Variants in TTC7A observed in about 807,000 individuals in gnomAD.
TTC7A encodes the protein tetratricopeptide repeat protein 7A.
In TTC7A, 110 loss-of-function variants were observed where a neutral mutation model predicts 103.7. The observed-to-expected ratio is 1.06, with a 90% CI of 0.91 to 1.24. The LOEUF is 1.24. Among genes scored for constraint, TTC7A ranks in the 50% most tolerant of loss-of-function variants. The probability of loss-of-function intolerance (pLI) is 0.00; values close to 1 mark genes in which losing one functional copy is unlikely to be tolerated. For synonymous variants in TTC7A, 521 were observed against 467.9 expected (o/e 1.11, Z -1.47); for missense variants, 1,340 against 1,116.3 (o/e 1.20, Z -2.86).
chr2:47,019,778 C>A (rs962970303), intron 11 of TTC7A, among the ~76,000 whole-genome samples: 1 of 151,996 alleles, frequency 6.6e-6, no homozygotes, highest in Non-Finnish European at 1.5e-5. Context: ...TGGAGTGCAG[C>A]GGGTGTCTGG....
intron 19 of TTC7A, 56 bp from the exon 20 acceptor site, chr2:47,073,646 A>C: frequency 6.5e-7 from 1 of 1,527,930 alleles, no homozygotes; most frequent in Non-Finnish European, 9.0e-7. Context: ...CCCAGTTGCC[A>C]AGATGCCTGT....
At chr2:47,067,741 GGCT>G (rs1401978440) in intron 19 of TTC7A, 1 of 152,176 alleles carries the variant, frequency 6.6e-6, no homozygotes, top group Non-Finnish European at 1.5e-5. Flanking sequence ...AAGCACCTAG[GGCT>G]GTTGTTAGAA....
At chr2:47,050,990 A>G (rs944629965) in intron 17 of TTC7A, among the ~76,000 whole-genome samples, 1 of 152,202 alleles carries the variant, frequency 6.6e-6, no homozygotes, top group Non-Finnish European at 1.5e-5. Flanking sequence ...GGGAATTATA[A>G]ATGTCAACAG....
intron 5 of TTC7A, among the ~76,000 whole-genome samples, chr2:46,980,418 C>T (rs1390649326): frequency 1.3e-5 from 2 of 152,000 alleles, no homozygotes; most frequent in African/African-American, 2.4e-5. Context: ...CATTTTGTTG[C>T]CCAGGCTGGT....
rs749612679 is a variant in TTC7A at position 47,006,067 on chromosome 2, C to T, written c.1203+8C>T. 1.9e-6 allele frequency: 3 copies of T among 1,611,030 alleles called. No individual in the cohort carries two copies. The highest frequency in any genetic ancestry group is 2.2e-5 in the East Asian group (1 of 44,822). Reference sequence around the variant, plus strand: ...TACGTCATGCTCTCGGAGGTACGGCCGGCCATGCAGCCCACCCCACTCTCC... The same window carrying T: ...TACGTCATGCTCTCGGAGGTACGGCTGGCCATGCAGCCCACCCCACTCTCC... On this transcript the variant is annotated splice_region_variant and intron_variant, in intron 9 of 19. Coordinates refer to ENST00000319190, the MANE Select transcript of TTC7A (RefSeq NM_020458.4).
chr2:47,041,818 G>T (rs1176066350), intron 15 of TTC7A, among the ~76,000 whole-genome samples: 1 of 151,436 alleles, frequency 6.6e-6, no homozygotes, highest in Non-Finnish European at 1.5e-5. Flanking sequence ...GGCAAAAAAA[G>T]ATTATATACA....
chr2:46,941,633 A>G lies in TTC7A; in HGVS notation c.92A>G (p.Glu31Gly), dbSNP rs1187820060. The G allele has an allele frequency of 3.2e-6, 5 of 1,554,370 alleles. No homozygotes were observed. Among genetic ancestry groups the G allele is most frequent in the South Asian group, 1.2e-5 (1 of 84,280 alleles). ...GAGGGCCACTGGGACCGCATGCCGG[A>G]GCTGGTCCGGCAGCTGCAGACGCTG... ...RAEGHWDRMP[E>G]LVRQLQTLSM... Residue 31 changes from glutamate (E) to glycine (G), a missense_variant, in exon 1 of 20, where the codon GAG (glutamate) becomes GGG (glycine). Coordinates refer to ENST00000319190, the MANE Select transcript of TTC7A (RefSeq NM_020458.4). The surrounding 1 kb of genome is among the most constrained non-coding windows in gnomAD (Gnocchi z 4.2).
At chr2:47,012,145 C>T (rs910561522) in intron 11 of TTC7A, among the ~76,000 whole-genome samples, 8 of 152,230 alleles carry the variant, frequency 5.3e-5, no homozygotes, top group African/African-American at 1.7e-4. Flanking sequence ...TGGGCCTACT[C>T]GGATGCTGCT....
At chr2:47,004,180 G>C (rs1469427209) in intron 8 of TTC7A, among the ~76,000 whole-genome samples, 1 of 152,204 alleles carries the variant, frequency 6.6e-6, no homozygotes. Flanking sequence ...GTCCATGGGG[G>C]CATGGGCAGC....
intron 11 of TTC7A, among the ~76,000 whole-genome samples, chr2:47,020,836 C>T (rs1558586906): frequency 1.3e-5 from 2 of 152,338 alleles, no homozygotes; most frequent in Admixed American, 6.5e-5. Context: ...CAGAGCTGCC[C>T]ATCTCCTGCT....
At chr2:46,920,122 A>C (rs1669022855) in intron 2 of TTC7A, among the ~76,000 whole-genome samples, 1 of 152,172 alleles carries the variant, frequency 6.6e-6, no homozygotes, top group African/African-American at 2.4e-5. Context: ...CATCACTCCT[A>C]ATGAAAAGTC....
intron 2 of TTC7A, among the ~76,000 whole-genome samples, chr2:46,921,449 T>C (rs1012038613): frequency 6.6e-6 from 1 of 152,230 alleles, no homozygotes; most frequent in Non-Finnish European, 1.5e-5. Flanking sequence ...AATTCAGTTA[T>C]TGAAAGCATA....
At chr2:46,970,128 C>T (rs1673222603) in intron 3 of TTC7A, among the ~76,000 whole-genome samples, 1 of 151,908 alleles carries the variant, frequency 6.6e-6, no homozygotes, top group South Asian at 2.1e-4. Context: ...TAGCTTGAGT[C>T]ACAAGTGTGC....
chr2:46,994,790 C>G (rs1473355366), intron 7 of TTC7A, among the ~76,000 whole-genome samples: 16 of 152,228 alleles, frequency 1.1e-4, no homozygotes. Flanking sequence ...ACACCTCTCT[C>G]TCGCTTGTGC....
chr2:47,023,518 T>C (rs1013851081), intron 13 of TTC7A, 53 bp downstream of exon 13: 1 of 1,580,530 alleles, frequency 6.3e-7, no homozygotes, highest in Non-Finnish European at 8.7e-7. Context: ...GGTGGCAGAT[T>C]CACAAGCTTT....
intron 15 of TTC7A, among the ~76,000 whole-genome samples, chr2:47,045,850 C>G (rs1682256851): frequency 6.6e-6 from 1 of 152,210 alleles, no homozygotes; most frequent in South Asian, 2.1e-4. Context: ...TACCTTCACT[C>G]ACGGATTCTA....
intron 2 of TTC7A, among the ~76,000 whole-genome samples, chr2:46,935,157 G>C (rs1669913435): frequency 6.6e-6 from 1 of 152,036 alleles, no homozygotes; most frequent in African/African-American, 2.4e-5. Flanking sequence ...GAGAAGCGTT[G>C]GTCACTAGAT....
chr2:46,917,509 A>G (rs1376327036), intron 2 of TTC7A, among the ~76,000 whole-genome samples: 1 of 152,198 alleles, frequency 6.6e-6, no homozygotes, highest in African/African-American at 2.4e-5. Context: ...GCGCTCTACT[A>G]GGAGCTACTA....
intron 15 of TTC7A, among the ~76,000 whole-genome samples, chr2:47,036,305 G>C (rs1193024739): frequency 1.3e-5 from 2 of 152,210 alleles, no homozygotes; most frequent in Non-Finnish European, 2.9e-5. Context: ...GGAAACCAAA[G>C]CTTTCAGGCT....
Sources: allele counts gnomAD v4.1 joint callset (sites outside exome capture counted in the v4.1 genomes callset), GRCh38; gene constraint gnomAD v4.1.1; non-coding constraint Gnocchi (gnomAD v3.1); transcripts MANE v1.5; gene names NCBI Gene and HGNC (gene_info 2026-07-23, HGNC 2026-07-21).